Variants in SCARA3 observed in about 807,000 individuals in gnomAD.
The protein encoded by SCARA3 is cellular stress response gene protein.
SCARA3 carries 39 observed loss-of-function variants against 47.0 expected under a neutral mutation model. That is an observed-to-expected ratio of 0.83 (90% CI 0.64 to 1.08). SCARA3 has a LOEUF of 1.08. SCARA3 is among the 50% of genes least tolerant of loss of function. The pLI is 0.00. For synonymous variants in SCARA3, 356 were observed against 334.1 expected (o/e 1.07, Z -0.71); for missense variants, 724 against 792.3 (o/e 0.91, Z 1.04).
the SCARA3 span, among the ~76,000 whole-genome samples, chr8:27,699,840 A>T: frequency 1.3e-5 from 2 of 152,226 alleles, no homozygotes; most frequent in Admixed American, 6.5e-5. Context: ...AGACAATGAG[A>T]TAATGGTGTA....
chr8:27,645,107 T>A (rs1215787637), intron 1 of SCARA3, among the ~76,000 whole-genome samples: 2 of 152,224 alleles, frequency 1.3e-5, no homozygotes, highest in Non-Finnish European at 2.9e-5. Flanking sequence ...CGCTGCAAAA[T>A]TTTATAAATT....
the SCARA3 span, among the ~76,000 whole-genome samples, chr8:27,693,525 T>C: frequency 9.9e-5 from 15 of 152,152 alleles, no homozygotes; most frequent in Non-Finnish European, 2.2e-4. Context: ...GATGTTGGTT[T>C]TGTAAAAAAT....
chr8:27,635,303 C>T (rs1323857701), intron 1 of SCARA3, among the ~76,000 whole-genome samples: 1 of 152,168 alleles, frequency 6.6e-6, no homozygotes, highest in Non-Finnish European at 1.5e-5. Context: ...TGACTGGATG[C>T]AGCCTCCGCA....
chr8:27,692,419 CA>C, the SCARA3 span, among the ~76,000 whole-genome samples: 70,440 of 127,772 alleles, frequency 0.55, 17,109 homozygotes, highest in Middle Eastern at 0.66. Context: ...AACCCTATCT[CA>C]AAAAAAAAAA....
chr8:27,714,694 T>C, the SCARA3 span, among the ~76,000 whole-genome samples: 264 of 152,342 alleles, frequency 1.7e-3, 1 homozygote, highest in Middle Eastern at 6.8e-3. Flanking sequence ...ATGAGTTCAC[T>C]TCCTGTCCAA....
chr8:27,722,136 G>A, the SCARA3 span, among the ~76,000 whole-genome samples: 1 of 152,150 alleles, frequency 6.6e-6, no homozygotes, highest in African/African-American at 2.4e-5. Context: ...ATGTAAGGAT[G>A]ATATGGTAGC....
chr8:27,732,109 C>T, the SCARA3 span, among the ~76,000 whole-genome samples: 1 of 152,226 alleles, frequency 6.6e-6, no homozygotes, highest in South Asian at 2.1e-4. Context: ...GGAGCCCAGG[C>T]AGCTAAGGCC....
chr8:27,636,257 A>C (rs1369326172), intron 1 of SCARA3, among the ~76,000 whole-genome samples: 3 of 152,206 alleles, frequency 2.0e-5, no homozygotes, highest in Admixed American at 1.3e-4. Context: ...TCACATTCTC[A>C]GAGTGGCTCC....
chr8:27,634,395 G>A (rs1192191610), intron 1 of SCARA3, among the ~76,000 whole-genome samples, 188 bp downstream of exon 1: 1 of 152,172 alleles, frequency 6.6e-6, no homozygotes, highest in Non-Finnish European at 1.5e-5. Context: ...AAGCAAAGAG[G>A]AGAGGGAGGA....
downstream of SCARA3, chr8:27,676,587 A>G (rs142811475): frequency 1.8e-4 from 283 of 1,584,668 alleles, no homozygotes; most frequent in African/African-American, 3.2e-3. Flanking sequence ...TTGTTTTCAC[A>G]TAATCGGATA....
chr8:27,710,477 A>G, the SCARA3 span, among the ~76,000 whole-genome samples: 1 of 152,242 alleles, frequency 6.6e-6, no homozygotes. Flanking sequence ...AATTCAAAGC[A>G]TAACGAAAGT....
chr8:27,695,912 G>T, the SCARA3 span, among the ~76,000 whole-genome samples: 1 of 151,850 alleles, frequency 6.6e-6, no homozygotes, highest in African/African-American at 2.4e-5. Flanking sequence ...TAACACACAT[G>T]AAATTGGACA....
At chr8:27,638,844 G>C (rs968527402) in intron 1 of SCARA3, among the ~76,000 whole-genome samples, 1 of 152,182 alleles carries the variant, frequency 6.6e-6, no homozygotes, top group African/African-American at 2.4e-5. Context: ...GAGTTTGGGG[G>C]TGGGCTGGGC....
At chr8:27,696,023 A>C in the SCARA3 span, among the ~76,000 whole-genome samples, 1 of 147,452 alleles carries the variant, frequency 6.8e-6, no homozygotes, top group African/African-American at 2.5e-5. Context: ...TTTTATTTTA[A>C]TTTTTTTTTT....
At chr8:27,677,458 G>T (rs924359924), downstream of SCARA3, among the ~76,000 whole-genome samples, 1 of 152,178 alleles carries the variant, frequency 6.6e-6, no homozygotes, top group Non-Finnish European at 1.5e-5. Flanking sequence ...ATGCTGAAGG[G>T]TATACAGTGG....
chr8:27,698,059 T>A, the SCARA3 span, among the ~76,000 whole-genome samples: 1 of 152,256 alleles, frequency 6.6e-6, no homozygotes, highest in Admixed American at 6.5e-5. Flanking sequence ...AACAAAATTT[T>A]ATATCCAGTG....
the SCARA3 span, among the ~76,000 whole-genome samples, chr8:27,730,109 C>T: frequency 6.6e-6 from 1 of 152,196 alleles, no homozygotes; most frequent in Non-Finnish European, 1.5e-5. Flanking sequence ...TCTGCCCCAC[C>T]CTCAAGCACA....
intron 1 of SCARA3, among the ~76,000 whole-genome samples, chr8:27,644,698 C>T (rs1304053450): frequency 6.6e-6 from 1 of 151,982 alleles, no homozygotes; most frequent in African/African-American, 2.4e-5. Flanking sequence ...TAAACGGAGT[C>T]TCTCTCTAGA....
chr8:27,691,476 C>T, the SCARA3 span, among the ~76,000 whole-genome samples: 11,568 of 152,158 alleles, frequency 0.076, 571 homozygotes, highest in Non-Finnish European at 0.11. Context: ...AGCCTGACTG[C>T]TTGTTTCATC....
Sources: gnomAD v4.1 joint callset for allele counts (sites outside exome capture counted in the v4.1 genomes callset) on GRCh38, gnomAD v4.1.1 for gene constraint, MANE v1.5 for transcripts, NCBI Gene and HGNC (gene_info 2026-07-23, HGNC 2026-07-21) for gene names.